The following PTPRD variants were observed in gnomAD, a reference collection of about 807,000 sequenced individuals.
PTPRD encodes receptor-type tyrosine-protein phosphatase delta.
In PTPRD, 34 loss-of-function variants were observed where a neutral mutation model predicts 214.5. That is an observed-to-expected ratio of 0.16 (90% CI 0.12 to 0.21). The LOEUF is 0.21. Among genes scored for constraint, PTPRD ranks in the 10% least tolerant of loss-of-function variants. PTPRD has a pLI of 1.00. For synonymous variants in PTPRD, 1,128 were observed against 845.7 expected, an observed-to-expected ratio of 1.33 and a Z score of -5.79; for missense variants, 2,545 against 2,398.7, an observed-to-expected ratio of 1.06 and a Z score of -1.27.
intron 8 of PTPRD, among the ~76,000 whole-genome samples, chr9:9,408,033 C>T (rs966589650): frequency 2.0e-5 from 3 of 151,542 alleles, no homozygotes; most frequent in African/African-American, 7.3e-5. Context: ...AGAAGTACAG[C>T]TAAACTGGTT....
chr9:9,248,138 G>C (rs2131409069), intron 9 of PTPRD, among the ~76,000 whole-genome samples: 1 of 151,954 alleles, frequency 6.6e-6, no homozygotes, highest in South Asian at 2.1e-4. Context: ...TGTCACCCAG[G>C]TTGGCATGCA....
At chr9:9,956,539 A>G (rs1445017419) in intron 4 of PTPRD, among the ~76,000 whole-genome samples, 1 of 152,160 alleles carries the variant, frequency 6.6e-6, no homozygotes, top group African/African-American at 2.4e-5. Flanking sequence ...AATATTCAAA[A>G]TTAATACAGA....
rs752781455 is a variant in PTPRD at position 8,500,987 on chromosome 9, G to A, written c.1895C>T (p.Pro632Leu). 1 of 1,614,136 alleles carries A rather than the reference G, an allele frequency of 6.2e-7. No individual in the cohort carries two copies. Among genetic ancestry groups the A allele is most frequent in the Non-Finnish European group, 8.5e-7 (1 of 1,180,008 alleles). Residue 632 changes from proline (P) to leucine (L), a missense_variant, in exon 24 of 46, where the codon CCT (proline) becomes CTT (leucine). Transcript: ENST00000381196. Reference sequence around the variant, plus strand: ...GCCATTCTGTTTTTCCACTGGTGGAGGTTGCCAACTTACCAAAATACTAGT... The same window carrying A: ...GCCATTCTGTTTTTCCACTGGTGGAAGTTGCCAACTTACCAAAATACTAGT... ...SSTSILVSWQ[P>L]PPVEKQNGII...
chr9:10,219,134 T>C (rs939645267), intron 3 of PTPRD, among the ~76,000 whole-genome samples: 38 of 151,892 alleles, frequency 2.5e-4, no homozygotes, highest in African/African-American at 8.4e-4. Flanking sequence ...TGACGGGGGA[T>C]CTGATAGACA....
chr9:8,967,381 T>C (rs2099203652), intron 11 of PTPRD, among the ~76,000 whole-genome samples: 1 of 152,178 alleles, frequency 6.6e-6, no homozygotes, highest in Non-Finnish European at 1.5e-5. Context: ...GCATGTTCAC[T>C]GTGGCACTAT....
intron 5 of PTPRD, among the ~76,000 whole-genome samples, chr9:9,929,023 A>G (rs2085382179): frequency 6.6e-6 from 1 of 152,200 alleles, no homozygotes; most frequent in Admixed American, 6.5e-5. Context: ...GAAGAGACTT[A>G]TATGCTCTGG....
rs117409355 is a variant in PTPRD, at chr9:8,631,468, A to G, written c.352+1849T>C. The stretch of plus-strand genomic sequence containing the variant: ...TCATTAGCCCATCTGGGTATGAACA[A>G]CCTTCTCTAGGGTTGTGTATCTGGA... On this transcript the variant is annotated intron_variant, in intron 14 of 45. Transcript: ENST00000381196. Among the ~76,000 whole-genome samples, 1,488 of 151,518 alleles carry G rather than the reference A, an allele frequency of 9.8e-3. 17 individuals are homozygous for G. Among genetic ancestry groups the G allele is most frequent in the Non-Finnish European group, 0.013 (889 of 67,750 alleles).
At chr9:10,551,448 G>C (rs2061336994) in intron 2 of PTPRD, among the ~76,000 whole-genome samples, 1 of 152,128 alleles carries the variant, frequency 6.6e-6, no homozygotes, top group Admixed American at 6.5e-5. Context: ...TTGAAATCGT[G>C]ACCCTGAAGG....
chr9:10,581,207 C>T (rs192831736), intron 2 of PTPRD, among the ~76,000 whole-genome samples: 1 of 152,158 alleles, frequency 6.6e-6, no homozygotes, highest in Non-Finnish European at 1.5e-5. Flanking sequence ...CTACCTGGTG[C>T]ATATTAAGCA....
intron 5 of PTPRD, among the ~76,000 whole-genome samples, chr9:9,936,092 G>A (rs974686313): frequency 6.8e-6 from 1 of 146,560 alleles, no homozygotes; most frequent in African/African-American, 2.7e-5. Context: ...ATGGATTAAA[G>A]ACTTAAACGT....
intron 9 of PTPRD, among the ~76,000 whole-genome samples, chr9:9,352,258 G>C (rs954803927): frequency 2.0e-5 from 3 of 150,810 alleles, no homozygotes; most frequent in Non-Finnish European, 4.4e-5. Context: ...GCTTTGTATT[G>C]CTGGAAATTT....
chr9:8,871,327 G>A (rs1436553866), intron 11 of PTPRD, among the ~76,000 whole-genome samples: 2 of 152,188 alleles, frequency 1.3e-5, no homozygotes, highest in Non-Finnish European at 2.9e-5. Context: ...CTGAAAAATG[G>A]AAGTATTTAT....
chr9:10,285,051 T>C (rs891364393), intron 3 of PTPRD, among the ~76,000 whole-genome samples: 1 of 152,204 alleles, frequency 6.6e-6, no homozygotes, highest in Admixed American at 6.5e-5. Context: ...GAATATTTAA[T>C]TTTAACTGCT....
chr9:10,186,158 A>T lies in PTPRD; in HGVS notation c.-544-152368T>A, dbSNP rs370472880. Among the ~76,000 whole-genome samples the T allele has an allele frequency of 1.6e-3, 244 of 152,190 alleles. 1 individual carries two copies. Among genetic ancestry groups the T allele is most frequent in the African/African-American group, 5.2e-3 (215 of 41,556 alleles). ...TCAACAAACTTTTGATACAATCCAG[A>T]CTATTGGATCAACGTTTTTGATTGG... On this transcript the variant is annotated intron_variant, in intron 3 of 45. Coordinates refer to ENST00000381196, the MANE Select transcript of PTPRD (RefSeq NM_002839.4).
At chr9:9,134,858 C>T (rs1280987531) in intron 10 of PTPRD, among the ~76,000 whole-genome samples, 1 of 151,728 alleles carries the variant, frequency 6.6e-6, no homozygotes, top group African/African-American at 2.4e-5. Context: ...TAAAACACTG[C>T]CGGGTACATT....
At chr9:8,654,986 A>C (rs2096881885) in intron 12 of PTPRD, among the ~76,000 whole-genome samples, 1 of 152,188 alleles carries the variant, frequency 6.6e-6, no homozygotes, top group African/African-American at 2.4e-5. Context: ...AAACAATTTC[A>C]CATACTAAAA....
intron 10 of PTPRD, among the ~76,000 whole-genome samples, chr9:9,091,615 A>T (rs889801999): frequency 1.3e-5 from 2 of 152,168 alleles, no homozygotes; most frequent in Non-Finnish European, 2.9e-5. Context: ...ACACTCAGTA[A>T]GTATTTGTGG....
At chr9:9,759,378 A>C (rs962204883) in intron 6 of PTPRD, among the ~76,000 whole-genome samples, 1 of 152,132 alleles carries the variant, frequency 6.6e-6, no homozygotes, top group African/African-American at 2.4e-5. Context: ...CCCACAACCC[A>C]GTAATTAAAG....
At chr9:9,318,727 C>T (rs937951806) in intron 9 of PTPRD, among the ~76,000 whole-genome samples, 1 of 152,100 alleles carries the variant, frequency 6.6e-6, no homozygotes, top group Non-Finnish European at 1.5e-5. Flanking sequence ...AACATCCAGA[C>T]AGTTGTCTAC....
Sources: allele counts gnomAD v4.1 joint callset (sites outside exome capture counted in the v4.1 genomes callset), GRCh38; gene constraint gnomAD v4.1.1; transcripts MANE v1.5; gene names NCBI Gene and HGNC (gene_info 2026-07-23, HGNC 2026-07-21).